UBE2L3: variants seen among roughly 807,000 people sequenced by gnomAD.
UBE2L3 encodes ubiquitin-conjugating enzyme E2 L3.
In UBE2L3, 1 loss-of-function variant was observed where a neutral mutation model predicts 17.8. The observed-to-expected ratio is 0.06, with a 90% CI of 0.02 to 0.27. The LOEUF is 0.27. Among genes scored for constraint, UBE2L3 ranks in the 10% least tolerant of loss-of-function variants. The probability of loss-of-function intolerance (pLI) is 1.00; values close to 1 mark genes in which losing one functional copy is unlikely to be tolerated. For synonymous variants in UBE2L3, 44 were observed against 68.5 expected, an observed-to-expected ratio of 0.64 and a Z score of 1.76; for missense variants, 40 against 192.6, an observed-to-expected ratio of 0.21 and a Z score of 4.69.
intron 1 of UBE2L3, among the ~76,000 whole-genome samples, chr22:21,559,849 C>A (rs2148391096): frequency 6.6e-6 from 1 of 152,404 alleles, no homozygotes; most frequent in East Asian, 1.9e-4. Context: ...AGACCCTAAC[C>A]CGCTGAGTTC....
At chr22:21,586,677 C>T (rs1275963880) in intron 1 of UBE2L3, among the ~76,000 whole-genome samples, 1 of 151,760 alleles carries the variant, frequency 6.6e-6, no homozygotes, top group African/African-American at 2.4e-5. Flanking sequence ...CAGTGATTCT[C>T]CAACCTCACC....
intron 1 of UBE2L3, among the ~76,000 whole-genome samples, chr22:21,578,851 A>C (rs1927467306): frequency 6.6e-6 from 1 of 152,088 alleles, no homozygotes; most frequent in South Asian, 2.1e-4. Flanking sequence ...AAGAGTTCAG[A>C]TGTAGATTTC....
At chr22:21,575,312 C>A (rs920765554) in intron 1 of UBE2L3, among the ~76,000 whole-genome samples, 1 of 142,416 alleles carries the variant, frequency 7.0e-6, no homozygotes, top group Non-Finnish European at 1.5e-5. Flanking sequence ...CTTGGCTGGG[C>A]GTGGTGGCTC....
At chr22:21,593,492 T>C (rs1412840194) in intron 2 of UBE2L3, among the ~76,000 whole-genome samples, 1 of 152,120 alleles carries the variant, frequency 6.6e-6, no homozygotes, top group Non-Finnish European at 1.5e-5. Flanking sequence ...ATGCCTCCAG[T>C]GTCTGCCCCC....
In UBE2L3 at chr22:21,573,886, G is replaced by A. The variant is rs541786598; in HGVS notation, c.27+6115G>A. On this transcript the variant is annotated intron_variant, in intron 1 of 3. Coordinates refer to ENST00000342192, the MANE Select transcript of UBE2L3 (RefSeq NM_003347.4). Reference sequence around the variant, plus strand: ...CAGATTGGCATGTCCAGTGCACCTGGTTCCTCCAGAGCTAGGAGACCTCCC... The same window carrying A: ...CAGATTGGCATGTCCAGTGCACCTGATTCCTCCAGAGCTAGGAGACCTCCC... Among the ~76,000 whole-genome samples, 44 of 152,316 alleles carry A rather than the reference G, an allele frequency of 2.9e-4. No homozygotes were observed. In the South Asian group the frequency reaches 8.9e-3, roughly 31 times the overall value.
At chr22:21,573,371 G>A (rs144373037) in intron 1 of UBE2L3, among the ~76,000 whole-genome samples, 18 of 152,182 alleles carry the variant, frequency 1.2e-4, no homozygotes, top group African/African-American at 4.3e-4. Flanking sequence ...TCTGGATCTC[G>A]TGATTGGCAT....
chr22:21,558,267 G>T (rs131644), intron 1 of UBE2L3, among the ~76,000 whole-genome samples: 1,833 of 152,092 alleles, frequency 0.012, 41 homozygotes, highest in South Asian at 0.12. Flanking sequence ...GAGGGTTTAA[G>T]CTTCCCATCC....
chr22:21,612,506 T>C (rs1333518892), intron 3 of UBE2L3, among the ~76,000 whole-genome samples: 1 of 151,354 alleles, frequency 6.6e-6, no homozygotes, highest in Non-Finnish European at 1.5e-5. Context: ...TTTGTATTTT[T>C]AGTAGAGACG....
intron 2 of UBE2L3, among the ~76,000 whole-genome samples, chr22:21,598,631 G>A (rs2148428605): frequency 6.6e-6 from 1 of 150,902 alleles, no homozygotes; most frequent in East Asian, 2.0e-4. Flanking sequence ...GGCTGGGGTG[G>A]AAGGATCGAT....
At chr22:21,589,965 C>T (rs1029547082) in intron 1 of UBE2L3, among the ~76,000 whole-genome samples, 1 of 152,072 alleles carries the variant, frequency 6.6e-6, no homozygotes, top group African/African-American at 2.4e-5. Flanking sequence ...ACTCCCATGG[C>T]AGTATTTCTT....
chr22:21,556,597 TTTTTC>T (rs2148388567), intron 1 of UBE2L3, among the ~76,000 whole-genome samples: 2 of 152,082 alleles, frequency 1.3e-5, no homozygotes, highest in East Asian at 3.9e-4. Context: ...GCCCGGCTAA[TTTTTC>T]TTTTCTTTTT....
Position 21,570,871 on chromosome 22 carries a change from A to G in UBE2L3, c.27+3100A>G, listed in dbSNP as rs1231416438. Among the ~76,000 whole-genome samples the G allele has an allele frequency of 2.6e-5, 4 of 152,214 alleles. No individual in the cohort carries two copies. In the East Asian group the frequency reaches 7.7e-4, roughly 29 times the overall value. ...TAGCAAATGTTGAATGATCAAATTA[A>G]TTACATCTTAAAGAACTTTAGATTT... On this transcript the variant is annotated intron_variant, in intron 1 of 3. Transcript: ENST00000342192.
chr22:21,597,177 A>G (rs1280493080), intron 2 of UBE2L3, among the ~76,000 whole-genome samples: 1 of 150,104 alleles, frequency 6.7e-6, no homozygotes, highest in Non-Finnish European at 1.5e-5. Context: ...ACAGGGTTTT[A>G]CCATGTTGGC....
upstream of UBE2L3, among the ~76,000 whole-genome samples, chr22:21,566,007 C>T (rs1926618195): frequency 7.0e-6 from 1 of 142,890 alleles, no homozygotes; most frequent in Non-Finnish European, 1.5e-5. Context: ...GAGTCTCACT[C>T]TGTCGCCCAG....
chr22:21,614,721 T>C, intron 3 of UBE2L3: 2 of 1,158,568 alleles, frequency 1.7e-6, no homozygotes, highest in South Asian at 2.5e-5. Context: ...ACCCAGCAAT[T>C]CCACTCTTAG....
intron 3 of UBE2L3, among the ~76,000 whole-genome samples, chr22:21,616,811 G>T (rs1012982041): frequency 6.6e-6 from 1 of 151,970 alleles, no homozygotes; most frequent in Non-Finnish European, 1.5e-5. Flanking sequence ...TGGGTTGAAG[G>T]TACATTGACA....
At chr22:21,569,960 C>T (rs571224175) in intron 1 of UBE2L3, among the ~76,000 whole-genome samples, 1 of 152,308 alleles carries the variant, frequency 6.6e-6, no homozygotes, top group East Asian at 1.9e-4. Flanking sequence ...TTGCTCTACC[C>T]AAGAAAAGCT....
At chr22:21,572,435 A>AG (rs1222038686) in intron 1 of UBE2L3, among the ~76,000 whole-genome samples, 1 of 151,160 alleles carries the variant, frequency 6.6e-6, no homozygotes, top group Non-Finnish European at 1.5e-5. Context: ...AAAAAAAAAA[A>AG]AAAAAAGAAA....
chr22:21,585,143 A>G (rs1283424867), intron 1 of UBE2L3, among the ~76,000 whole-genome samples: 1 of 152,196 alleles, frequency 6.6e-6, no homozygotes, highest in Admixed American at 6.5e-5. Flanking sequence ...TGTCCTGAGC[A>G]GCCCTTATTT....
Sources: gnomAD v4.1 joint callset for allele counts (sites outside exome capture counted in the v4.1 genomes callset) on GRCh38, gnomAD v4.1.1 for gene constraint, MANE v1.5 for transcripts, NCBI Gene and HGNC (gene_info 2026-07-23, HGNC 2026-07-21) for gene names.